NUP54: variants seen among roughly 807,000 people sequenced by gnomAD.
NUP54 encodes nucleoporin 54.
Under a neutral mutation model 66.4 loss-of-function variants are expected in NUP54, and 27 were observed. The observed-to-expected ratio is 0.41, with a 90% CI of 0.30 to 0.56. The LOEUF (loss-of-function observed/expected upper bound fraction) is 0.56, where lower values mean the gene tolerates loss of function less well. Ranked by LOEUF, NUP54 falls within the 20% of genes least tolerant of loss-of-function variation. The pLI is 0.34. For synonymous variants in NUP54, 206 were observed against 210.7 expected (o/e 0.98, Z 0.19); for missense variants, 486 against 596.3 (o/e 0.82, Z 1.93).
chr4:76,132,960 C>T (rs553155371), intron 5 of NUP54, among the ~76,000 whole-genome samples: 2 of 151,476 alleles, frequency 1.3e-5, no homozygotes, highest in East Asian at 3.9e-4. Flanking sequence ...GCAATTCTCC[C>T]ACCTCAGCCT....
intron 3 of NUP54, among the ~76,000 whole-genome samples, chr4:76,141,149 T>A (rs6838435): frequency 0.35 from 53,013 of 151,908 alleles, 10,347 homozygotes; most frequent in East Asian, 0.55. Context: ...CTAATAAGTA[T>A]GAGGAATACA....
At chr4:76,146,058 C>T (rs1388221900) in intron 1 of NUP54, 1 of 436,324 alleles carries the variant, frequency 2.3e-6, no homozygotes, top group Non-Finnish European at 4.5e-6. Context: ...TCTGAATTGG[C>T]TACGCAATAG....
chr4:76,125,316 TCACACACACACA>T lies in NUP54; in HGVS notation c.1057-572_1057-561del, dbSNP rs34954421. On this transcript the variant is annotated intron_variant, in intron 8 of 11. Coordinates refer to ENST00000264883, the MANE Select transcript of NUP54 (RefSeq NM_017426.4). ...AAACAAAAAACAGAGTGAGACTCCA[TCACACACACACA>T]CACACACACACACACACACACACGG... Among the ~76,000 whole-genome samples, 26 of 125,284 alleles carry T rather than the reference TCACACACACACA, an allele frequency of 2.1e-4. 2 individuals are homozygous for T. The highest frequency in any genetic ancestry group is 4.9e-4 in the African/African-American group (18 of 36,650). 82.2% of individuals were successfully genotyped at this position (125,284 alleles called of 152,430 possible).
intron 8 of NUP54, among the ~76,000 whole-genome samples, chr4:76,130,074 G>C (rs866972864): frequency 3.3e-4 from 41 of 125,286 alleles, no homozygotes; most frequent in Middle Eastern, 5.6e-3. Flanking sequence ...TCTGCCTCCC[G>C]GGTTCAAACA....
intron 5 of NUP54, 80 bp downstream of exon 5, chr4:76,134,095 G>A: frequency 1.0e-6 from 1 of 960,094 alleles, no homozygotes; most frequent in Non-Finnish European, 1.5e-6. Flanking sequence ...TTGTGCTTTA[G>A]CAACAAAAAC....
chr4:76,139,051 A>G (rs1382047594), intron 3 of NUP54, among the ~76,000 whole-genome samples: 2 of 152,190 alleles, frequency 1.3e-5, no homozygotes, highest in Non-Finnish European at 2.9e-5. Context: ...AAGAAAAAAA[A>G]TTATCTTGCC....
Position 76,148,359 on chromosome 4 carries a change from C to G in NUP54, c.16G>C (p.Gly6Arg). MAFNF[G>R]APSGTSGTAA... ...GTACCGGAGGTGCCCGAGGGAGCCC[C>G]AAAATTGAAGGCCATGTCGCGAAAG... is the stretch of plus-strand genomic sequence containing the variant. Residue 6 changes from glycine to arginine, a missense_variant, in exon 1 of 12, where the codon GGG becomes CGG. By Grantham distance (125) the Gly-to-Arg change is moderately radical. Transcript: ENST00000264883. 6.5e-7 allele frequency: 1 copy of G among 1,546,520 alleles called. No homozygotes were observed. The highest frequency in any genetic ancestry group is 8.7e-7 in the Non-Finnish European group (1 of 1,147,188).
At chr4:76,131,051 ATTTTTTTCTTT>A (rs951446347) in intron 7 of NUP54, among the ~76,000 whole-genome samples, 168 bp downstream of exon 7, 2 of 150,884 alleles carry the variant, frequency 1.3e-5, no homozygotes, top group Non-Finnish European at 3.0e-5. Flanking sequence ...TTTTTTTCTT[ATTTTTTTCTTT>A]TTGTTTTGGC....
At chr4:76,117,797 AT>A in intron 10 of NUP54, 23 bp from the exon 11 acceptor site, 1 of 1,549,738 alleles carries the variant, frequency 6.5e-7, no homozygotes, top group Non-Finnish European at 8.9e-7. Flanking sequence ...ACTGAGTCAA[AT>A]TACAACTGCC....
rs553706476 is a variant in NUP54 at position 76,130,764 on chromosome 4, T to C, written c.963-15A>G. The C allele has an allele frequency of 1.3e-6, 2 of 1,568,290 alleles. No homozygotes were observed. The highest frequency in any genetic ancestry group is 2.7e-5 in the African/African-American group (2 of 74,116). ...CAGGAATTAACCTGAAGAAACGCAG[T>C]GAACAATTTTCAGACCTTAAGCCTA... On this transcript the variant is annotated splice_polypyrimidine_tract_variant and intron_variant, in intron 7 of 11. Transcript: ENST00000264883.
At chr4:76,116,340 A>C (rs1021478609) in intron 11 of NUP54, among the ~76,000 whole-genome samples, 3 of 152,214 alleles carry the variant, frequency 2.0e-5, no homozygotes, top group Non-Finnish European at 4.4e-5. Context: ...ATTCTAACAT[A>C]ATAAAATTGG....
At chr4:76,125,643 AGAGG>A (rs1560678759) in intron 8 of NUP54, among the ~76,000 whole-genome samples, 2 of 22,510 alleles carry the variant, frequency 8.9e-5, no homozygotes, top group Non-Finnish European at 7.2e-5. Context: ...GGAGAGGGGG[AGAGG>A]GGGAGAGGGA....
At chr4:76,128,723 TAC>T (rs953688966) in intron 8 of NUP54, among the ~76,000 whole-genome samples, 4 of 152,190 alleles carry the variant, frequency 2.6e-5, no homozygotes, top group Non-Finnish European at 5.9e-5. Flanking sequence ...TACACATATA[TAC>T]ACACACAATA....
At chr4:76,120,271 C>G (rs1470573405) in intron 9 of NUP54, among the ~76,000 whole-genome samples, 1 of 152,192 alleles carries the variant, frequency 6.6e-6, no homozygotes, top group Admixed American at 6.5e-5. Flanking sequence ...TGTACGTTTT[C>G]AGTTCTAAAG....
chr4:76,144,240 G>A lies in NUP54; in HGVS notation c.204C>T (p.Gly68=), dbSNP rs1731388292. The A allele has an allele frequency of 2.5e-6, 4 of 1,613,578 alleles. No individual in the cohort carries two copies. The highest frequency in any genetic ancestry group is 3.4e-6 in the Non-Finnish European group (4 of 1,179,810). The change falls in exon 3 of 12, where the codon GGC becomes GGT. Residue 68 remains glycine (G), a synonymous_variant. Transcript: ENST00000264883. ...NKGFGFGTGF[G]TTTGTSTGLG... The stretch of plus-strand genomic sequence containing the variant: ...AACCAGTACTAGTTCCCGTTGTTGT[G>A]CCAAAACCAGTACCAAATCCAAAAC...
intron 9 of NUP54, among the ~76,000 whole-genome samples, chr4:76,120,666 A>T (rs1730195958): frequency 6.6e-6 from 1 of 151,994 alleles, no homozygotes; most frequent in Admixed American, 6.5e-5. Flanking sequence ...TGACCTCGTG[A>T]TCCACCCGCC....
chr4:76,117,501 T>C (rs1417088106), intron 11 of NUP54, among the ~76,000 whole-genome samples, 163 bp downstream of exon 11: 1 of 152,194 alleles, frequency 6.6e-6, no homozygotes, highest in African/African-American at 2.4e-5. Flanking sequence ...ACTACACTGT[T>C]TTCCATAGAG....
At chr4:76,124,545 CTTTCA>C in intron 9 of NUP54, 99 bp downstream of exon 9, 1 of 439,598 alleles carries the variant, frequency 2.3e-6, no homozygotes, top group Admixed American at 4.2e-5. Context: ...TCACATTATT[CTTTCA>C]TTTTAGTATT....
At chr4:76,148,259 C>T (rs1731599256) in intron 1 of NUP54, 49 bp downstream of exon 1, 9 of 1,257,516 alleles carry the variant, frequency 7.2e-6, no homozygotes, top group Non-Finnish European at 8.3e-6. Flanking sequence ...AGGGGGCGGA[C>T]CAGACCCTTC....
Sources: allele counts gnomAD v4.1 joint callset (sites outside exome capture counted in the v4.1 genomes callset), GRCh38; gene constraint gnomAD v4.1.1; transcripts MANE v1.5; gene names NCBI Gene and HGNC (gene_info 2026-07-23, HGNC 2026-07-21).